The following DYM variants were observed in gnomAD, a reference collection of about 807,000 sequenced individuals.
The protein encoded by DYM is dyggve-Melchior-Clausen syndrome protein.
A neutral mutation model predicts 93.1 loss-of-function variants in DYM; 78 were observed. The observed-to-expected ratio is 0.84, with a 90% CI of 0.70 to 1.01. DYM has a LOEUF of 1.01. Among genes scored for constraint, DYM ranks in the 50% least tolerant of loss-of-function variants. The pLI, the probability that DYM is intolerant of heterozygous loss-of-function variation, is 0.00. For missense variants in DYM, 789 were observed against 845.0 expected (o/e 0.93, Z 0.82); for synonymous variants, 321 against 319.7 (o/e 1.00, Z -0.04).
chr18:49,218,814 A>G (rs1187160566), intron 13 of DYM, among the ~76,000 whole-genome samples: 1 of 152,238 alleles, frequency 6.6e-6, no homozygotes, highest in African/African-American at 2.4e-5. Context: ...GACAGATCCA[A>G]AATTGACACC....
Position 49,257,051 on chromosome 18 carries a change from C to T in DYM, c.1419G>A (p.Gln473=), listed in dbSNP as rs763911068. The change falls in exon 13 of 18, where the codon CAG becomes CAA. Residue 473 remains glutamine, a synonymous_variant. Coordinates refer to ENST00000675505, the MANE Select transcript of DYM (RefSeq NM_001353214.3). ...CAGCATACTGATGGAGAGAACGAAA[C>T]TGTGCCGACATATTTGCTAAAGCTG... is the stretch of plus-strand genomic sequence containing the variant. ...CLAALANMSA[Q]FRSLHQYAAQ... is the part of the protein sequence containing the mutation. 1 of 1,614,018 alleles carries T rather than the reference C, an allele frequency of 6.2e-7. No individual in the cohort carries two copies. The highest frequency in any genetic ancestry group is 8.5e-7 in the Non-Finnish European group (1 of 1,179,932).
At chr18:49,175,414 G>T (rs191682316) in intron 14 of DYM, among the ~76,000 whole-genome samples, 1 of 152,096 alleles carries the variant, frequency 6.6e-6, no homozygotes, top group Non-Finnish European at 1.5e-5. Flanking sequence ...GACTAATTAC[G>T]TAACAATCTT....
At chr18:49,299,061 C>T (rs915596462) in intron 8 of DYM, among the ~76,000 whole-genome samples, 1 of 152,110 alleles carries the variant, frequency 6.6e-6, no homozygotes, top group African/African-American at 2.4e-5. Context: ...AGTCTGAGTC[C>T]GGTTCCCAGA....
chr18:49,128,508 T>C (rs758664406), intron 15 of DYM, among the ~76,000 whole-genome samples: 1 of 152,210 alleles, frequency 6.6e-6, no homozygotes, highest in Admixed American at 6.5e-5. Flanking sequence ...GAGTGCCTTG[T>C]CTCATCCCAA....
rs777495467 is a variant in DYM, at chr18:49,282,128, A to C, written c.994T>G (p.Phe332Val). ...CAAAGAGCTGTGTACAAACTATTAA[A>C]GTTGATCTGGAAGGCATGTGGAATT... ...SSIPHAFQINFNSLYTALCEQ... is the reference protein window; with the variant it reads ...SSIPHAFQINVNSLYTALCEQ... The change falls in exon 10 of 18, where the codon TTT (phenylalanine) becomes GTT (valine). Residue 332 changes from phenylalanine to valine, a missense_variant. Around this residue, in one of 3 missense-constraint regions of DYM, gnomAD observed 450 missense variants for 436.2 expected, o/e 1.03. Transcript: ENST00000675505. The C allele has an allele frequency of 2.5e-6, 4 of 1,614,020 alleles. No individual in the cohort carries two copies. Among genetic ancestry groups the C allele is most frequent in the Non-Finnish European group, 3.4e-6 (4 of 1,179,942 alleles).
chr18:49,377,347 G>T (rs2067598291), intron 5 of DYM, among the ~76,000 whole-genome samples: 1 of 152,092 alleles, frequency 6.6e-6, no homozygotes, highest in African/African-American at 2.4e-5. Flanking sequence ...ATCACTTGAG[G>T]TCAGGAGTTC....
At chr18:49,416,164 T>C (rs542296820) in intron 2 of DYM, among the ~76,000 whole-genome samples, 1 of 152,326 alleles carries the variant, frequency 6.6e-6, no homozygotes, top group East Asian at 1.9e-4. Context: ...AACTAATAGG[T>C]AATTACTCCT....
chr18:49,243,181 T>C (rs1383818104), intron 13 of DYM, among the ~76,000 whole-genome samples: 2 of 152,178 alleles, frequency 1.3e-5, no homozygotes, highest in African/African-American at 4.8e-5. Context: ...TGCCTTCTCC[T>C]GGGTCCCACT....
intron 5 of DYM, among the ~76,000 whole-genome samples, chr18:49,371,758 T>C (rs2067064131): frequency 6.6e-6 from 1 of 152,236 alleles, no homozygotes; most frequent in African/African-American, 2.4e-5. Context: ...TGACTGATTC[T>C]CAAACGCATG....
At chr18:49,235,841 A>G (rs180891875) in intron 13 of DYM, among the ~76,000 whole-genome samples, 44 of 152,168 alleles carry the variant, frequency 2.9e-4, no homozygotes, top group Admixed American at 6.5e-4. Context: ...TATTCACTCA[A>G]TTTTGTAAGT....
intron 16 of DYM, among the ~76,000 whole-genome samples, chr18:49,110,847 C>G (rs779976424): frequency 1.3e-5 from 2 of 152,134 alleles, no homozygotes; most frequent in African/African-American, 2.4e-5. Flanking sequence ...ATTGAATCAT[C>G]TGATATCGTC....
intron 2 of DYM, among the ~76,000 whole-genome samples, chr18:49,395,660 A>G (rs1387312349): frequency 5.9e-5 from 9 of 152,184 alleles, no homozygotes; most frequent in Non-Finnish European, 1.0e-4. Context: ...ACAAATGGCA[A>G]TAGGTATATG....
At chr18:49,089,535 A>G (rs1485624656) in intron 17 of DYM, among the ~76,000 whole-genome samples, 1 of 152,238 alleles carries the variant, frequency 6.6e-6, no homozygotes, top group Non-Finnish European at 1.5e-5. Context: ...AATCCTAGCC[A>G]TCATCTCCTT....
At chr18:49,386,744 TC>T (rs2068662998) in intron 3 of DYM, among the ~76,000 whole-genome samples, 1 of 152,118 alleles carries the variant, frequency 6.6e-6, no homozygotes, top group Admixed American at 6.5e-5. Flanking sequence ...TGTAGTTTAG[TC>T]AATAAAATTA....
At position 49,392,681 on chromosome 18, in the gene DYM, TAAA is replaced by T. The variant is rs869086187; in HGVS notation, c.141-1039_141-1037del. On this transcript the variant is annotated intron_variant, in intron 2 of 17. Transcript: ENST00000675505. Reference sequence around the variant, plus strand: ...CACACCCATTGGGATGGCTTTTATTTAAAAAAAAAAAAAAAAAAAAAAAAAAAA... The same window carrying T: ...CACACCCATTGGGATGGCTTTTATTTAAAAAAAAAAAAAAAAAAAAAAAAA... Among the ~76,000 whole-genome samples the T allele has an allele frequency of 1.7e-3, 116 of 68,492 alleles. 2 individuals are homozygous for T. Among genetic ancestry groups the T allele is most frequent in the African/African-American group, 6.4e-3 (97 of 15,042 alleles). The allele number at this position is 68,492 out of a possible 152,430, so 44.9% of individuals were successfully genotyped here. A position where few individuals can be genotyped will look rare whatever the true frequency, so the allele number is the denominator to read the frequency against.
chr18:49,415,321 CAAAAAAAAA>C (rs71165393), intron 2 of DYM, among the ~76,000 whole-genome samples: 2 of 87,098 alleles, frequency 2.3e-5, no homozygotes, highest in South Asian at 4.0e-4. Flanking sequence ...CTGGGTCTCT[CAAAAAAAAA>C]AAAAAAAAAA....
intron 15 of DYM, among the ~76,000 whole-genome samples, chr18:49,135,746 C>T (rs1283157342): frequency 6.6e-6 from 1 of 152,166 alleles, no homozygotes; most frequent in Non-Finnish European, 1.5e-5. Flanking sequence ...AAGTACATTA[C>T]AATGAAATGC....
chr18:49,051,903 G>A lies in DYM; in HGVS notation c.2026-7699C>T, dbSNP rs79811984. ...GAGAGAGCAGCGTGAACACACAGCC[G>A]TTATTGGAAAACCTGAACATGCAGA... On this transcript the variant is annotated intron_variant, in intron 17 of 17. Transcript: ENST00000675505. Among the ~76,000 whole-genome samples the A allele has an allele frequency of 2.1e-3, 315 of 152,358 alleles. 1 individual carries two copies. Among genetic ancestry groups the A allele is most frequent in the African/African-American group, 7.3e-3 (305 of 41,584 alleles).
intron 8 of DYM, among the ~76,000 whole-genome samples, chr18:49,309,874 C>A (rs1003747260): frequency 3.3e-5 from 5 of 152,090 alleles, no homozygotes; most frequent in Admixed American, 2.6e-4. Context: ...GTAACTTGAA[C>A]CCATGGGTGC....
Sources: gnomAD v4.1 joint callset for allele counts (sites outside exome capture counted in the v4.1 genomes callset) on GRCh38, gnomAD v4.1.1 for gene constraint, gnomAD v4.1.1 regional missense constraint, MANE v1.5 for transcripts, NCBI Gene and HGNC (gene_info 2026-07-23, HGNC 2026-07-21) for gene names.